Variants in CROCC2 observed in about 807,000 individuals in gnomAD.
CROCC2 encodes ciliary rootlet coiled-coil protein 2.
In CROCC2, 163 loss-of-function variants were observed where a neutral mutation model predicts 177.6. The ratio of observed to expected loss-of-function variants is 0.92; its 90% CI spans 0.81 to 1.05. The LOEUF (loss-of-function observed/expected upper bound fraction) is 1.05, where lower values mean the gene tolerates loss of function less well. CROCC2 is among the 50% of genes least tolerant of loss of function. CROCC2 has a pLI of 0.00. For missense variants in CROCC2, 1,929 were observed against 1,797.8 expected, an observed-to-expected ratio of 1.07 and a Z score of -1.32; for synonymous variants, 904 against 787.3, an observed-to-expected ratio of 1.15 and a Z score of -2.48.
chr2:240,958,326 C>A lies in CROCC2; in HGVS notation c.2944-975C>A. The A allele has an allele frequency of 2.1e-6, 1 of 475,560 alleles. No individual in the cohort carries two copies. Among genetic ancestry groups the A allele is most frequent in the Non-Finnish European group, 2.7e-6 (1 of 363,870 alleles). The allele number at this position is 475,560 out of a possible 1,614,324, so 29.5% of individuals were successfully genotyped here. A position where few individuals can be genotyped will look rare whatever the true frequency, so the allele number is the denominator to read the frequency against. ...GTTGGGGCATGCTGAGGCACAGAGCCATGGCCTAGTCACCCAAGATGGCCC... is the reference window on the plus strand; with the variant it reads ...GTTGGGGCATGCTGAGGCACAGAGCAATGGCCTAGTCACCCAAGATGGCCC... On this transcript the variant is annotated intron_variant, in intron 19 of 31. Coordinates refer to ENST00000690015, the MANE Select transcript of CROCC2 (RefSeq NM_001351305.2). This position sits in a 1 kb window ranked among gnomAD's most constrained non-coding sequence, Gnocchi z 6.7.
rs116656887 is a variant in CROCC2, at chr2:240,959,387, G to A, written c.3030G>A (p.Thr1010=). The part of the protein sequence containing the change: ...DAITAHQRET[T]ALRESLQDLA... Reference sequence around the variant, plus strand: ...TCACAGCCCATCAGAGGGAGACCACGGCCCTACGCGAGAGCCTCCAGGACC... The same window carrying A: ...TCACAGCCCATCAGAGGGAGACCACAGCCCTACGCGAGAGCCTCCAGGACC... Residue 1010 remains threonine (T), a synonymous_variant, in exon 20 of 32, where the codon ACG becomes ACA. Coordinates refer to ENST00000690015, the MANE Select transcript of CROCC2 (RefSeq NM_001351305.2). 19 of 1,550,308 alleles carry A rather than the reference G, an allele frequency of 1.2e-5. No individual in the cohort carries two copies. The highest frequency in any genetic ancestry group is 9.8e-5 in the Admixed American group (5 of 50,976).
At position 240,971,742 on chromosome 2, in the gene CROCC2, G is replaced by A. The variant is rs192683229; in HGVS notation, c.4401+3480G>A. On this transcript the variant is annotated intron_variant, in intron 27 of 31. Coordinates refer to ENST00000690015, the MANE Select transcript of CROCC2 (RefSeq NM_001351305.2). The stretch of plus-strand genomic sequence containing the variant: ...TCTCTTCTCCTTCTCCCTCTTCTCT[G>A]TTCTTTTGTCCTGGAATTCTCAGCA... 1.9e-3 allele frequency among the ~76,000 whole-genome samples: 296 copies of A among 152,116 alleles called. 1 individual carries two copies. In the Middle Eastern group the frequency reaches 0.034, roughly 17 times the overall value.
At position 240,993,094 on chromosome 2, in the gene CROCC2, A is replaced by G. The variant is rs2059890218; in HGVS notation, c.*13A>G. 2 of 716,588 alleles carry G rather than the reference A, an allele frequency of 2.8e-6. No homozygotes were observed. Among genetic ancestry groups the G allele is most frequent in the Non-Finnish European group, 5.2e-6 (2 of 384,622 alleles). The allele number at this position is 716,588 out of a possible 1,614,324, so 44.4% of individuals were successfully genotyped here. On this transcript the variant is annotated 3_prime_UTR_variant, in exon 32 of 32. Coordinates refer to ENST00000690015, the MANE Select transcript of CROCC2 (RefSeq NM_001351305.2). ...CCAAAGGGACTGAAGCTCCCAGCAC[A>G]GGGGAGGCGCCCAGCGTGGCTGCAG... is the stretch of plus-strand genomic sequence containing the variant.
chr2:240,958,397 G>T lies in CROCC2; in HGVS notation c.2944-904G>T, dbSNP rs1384654040. 4.0e-6 allele frequency: 1 copy of T among 250,292 alleles called. No homozygotes were observed. The highest frequency in any genetic ancestry group is 6.3e-6 in the Non-Finnish European group (1 of 157,912). 15.5% of individuals were successfully genotyped at this position (250,292 alleles called of 1,614,324 possible). On this transcript the variant is annotated intron_variant, in intron 19 of 31. Transcript: ENST00000690015. The surrounding 1 kb of genome is among the most constrained non-coding windows in gnomAD (Gnocchi z 6.7). ...GAGGGGGTTGTAAAGAATGACGACA[G>T]GAGGCAGCAGCATGGCTCCTTTCCC...
At chr2:240,952,449 T>C (rs151137172) in intron 18 of CROCC2, among the ~76,000 whole-genome samples, 196 of 152,332 alleles carry the variant, frequency 1.3e-3, no homozygotes, top group Admixed American at 3.7e-3. Context: ...TAATTATCCC[T>C]ATATTACTGG....
At position 240,974,611 on chromosome 2, in the gene CROCC2, C is replaced by A. The variant is rs563074475; in HGVS notation, c.4401+6349C>A. ...TCTCAAACTCCTGAGCTCAAGTGAT[C>A]CACCCACCTCAGCCTCCCAAAGTGC... is the stretch of plus-strand genomic sequence containing the variant. On this transcript the variant is annotated intron_variant, in intron 27 of 31. Transcript: ENST00000690015. Among the ~76,000 whole-genome samples, 10 of 147,086 alleles carry A rather than the reference C, an allele frequency of 6.8e-5. No individual in the cohort carries two copies. In the East Asian group the frequency reaches 2.0e-3, roughly 29 times the overall value.
At chr2:240,969,617 C>T (rs1243276836) in intron 27 of CROCC2, among the ~76,000 whole-genome samples, 6 of 152,272 alleles carry the variant, frequency 3.9e-5, no homozygotes, top group Admixed American at 3.3e-4. Context: ...GGACCTGGAG[C>T]GGGCTGAGTT....
intron 1 of CROCC2, among the ~76,000 whole-genome samples, chr2:240,913,666 C>T (rs571174173): frequency 1.1e-4 from 16 of 152,380 alleles, no homozygotes; most frequent in Non-Finnish European, 2.1e-4. Flanking sequence ...CAAACTGACA[C>T]CCACAGAGGC....
rs576864809 is a variant in CROCC2, at chr2:240,933,659, A to G, written c.1464-11A>G. The stretch of plus-strand genomic sequence containing the variant: ...CCAGGGCCGCCCCAACTCTGCCCCC[A>G]CCATCCCCAGGGAGAAGGCTGCTCT... On this transcript the variant is annotated splice_polypyrimidine_tract_variant and intron_variant, in intron 10 of 31. Coordinates refer to ENST00000690015, the MANE Select transcript of CROCC2 (RefSeq NM_001351305.2). The G allele has an allele frequency of 1.6e-5, 25 of 1,549,430 alleles. No individual in the cohort carries two copies. The South Asian group carries it at 2.7e-4, about 17-fold the overall frequency.
At chr2:240,959,114 C>A in intron 19 of CROCC2, 187 bp from the exon 20 acceptor site, 1 of 632,796 alleles carries the variant, frequency 1.6e-6, no homozygotes, top group Non-Finnish European at 2.6e-6. Flanking sequence ...GTCTCCTCAT[C>A]CCAGCAGCCT....
chr2:240,907,047 G>A (rs1188848709), intron 1 of CROCC2, among the ~76,000 whole-genome samples: 1 of 152,158 alleles, frequency 6.6e-6, no homozygotes, highest in East Asian at 1.9e-4. Context: ...GGGTTTGCAG[G>A]CTGCGCACTG....
In CROCC2 at chr2:240,958,698, G is replaced by A; in HGVS notation, c.2944-603G>A. On this transcript the variant is annotated intron_variant, in intron 19 of 31. Transcript: ENST00000690015. This position sits in a 1 kb window ranked among gnomAD's most constrained non-coding sequence, Gnocchi z 6.7. The stretch of plus-strand genomic sequence containing the variant: ...TGTTGAGGACACTGAGGCCCAGGAA[G>A]CTGAGACCCCCTGAGCCCCATCTGC... 1 of 623,166 alleles carries A rather than the reference G, an allele frequency of 1.6e-6. No individual in the cohort carries two copies. The highest frequency in any genetic ancestry group is 2.0e-6 in the Non-Finnish European group (1 of 498,656). 38.6% of individuals were successfully genotyped at this position (623,166 alleles called of 1,614,324 possible).
chr2:240,912,517 G>A (rs139933716), intron 1 of CROCC2, among the ~76,000 whole-genome samples: 41 of 152,338 alleles, frequency 2.7e-4, no homozygotes, highest in African/African-American at 8.9e-4. Flanking sequence ...AGGACTAGCC[G>A]GAAGGAGAGG....
intron 18 of CROCC2, chr2:240,955,565 G>A (rs2059585333): frequency 2.8e-6 from 1 of 358,490 alleles, no homozygotes; most frequent in African/African-American, 2.0e-5. Flanking sequence ...ATTTTAGACA[G>A]GCAGAGGAAG....
At chr2:240,962,030 GCA>G (rs1559606582) in intron 20 of CROCC2, among the ~76,000 whole-genome samples, 7 of 27,752 alleles carry the variant, frequency 2.5e-4, no homozygotes, top group African/African-American at 6.5e-4. Flanking sequence ...ACACACACAC[GCA>G]CGCACACACG....
intron 5 of CROCC2, among the ~76,000 whole-genome samples, chr2:240,928,988 G>T (rs369805514): frequency 9.9e-5 from 15 of 151,752 alleles, no homozygotes; most frequent in African/African-American, 3.6e-4. Context: ...GGTTCAGAGA[G>T]TCGTGCCCTC....
At chr2:240,962,064 T>C (rs76958003) in intron 20 of CROCC2, among the ~76,000 whole-genome samples, 1 of 108,736 alleles carries the variant, frequency 9.2e-6, no homozygotes, top group South Asian at 3.0e-4. Context: ...ACACTCACAC[T>C]CACACGCACT....
At chr2:240,925,955 A>G (rs878991346) in intron 5 of CROCC2, 75 bp downstream of exon 5, 6 of 636,228 alleles carry the variant, frequency 9.4e-6, no homozygotes, top group South Asian at 7.1e-5. Context: ...AGGCAGGGAC[A>G]TGGTGAGGGT....
At chr2:240,992,690 C>T (rs2059888149) in intron 31 of CROCC2, among the ~76,000 whole-genome samples, 1 of 152,248 alleles carries the variant, frequency 6.6e-6, no homozygotes, top group South Asian at 2.1e-4. Flanking sequence ...CCCCGATAGG[C>T]ACCCCCTGCC....
Sources: gnomAD v4.1 joint callset for allele counts (sites outside exome capture counted in the v4.1 genomes callset) on GRCh38, gnomAD v4.1.1 for gene constraint, Gnocchi (gnomAD v3.1) non-coding constraint, MANE v1.5 for transcripts, NCBI Gene and HGNC (gene_info 2026-07-23, HGNC 2026-07-21) for gene names.